UBE2W: variants seen among roughly 807,000 people sequenced by gnomAD.
UBE2W encodes ubiquitin-conjugating enzyme E2 W.
UBE2W carries 18 observed loss-of-function variants against 27.2 expected under a neutral mutation model. That is an observed-to-expected ratio of 0.66 (90% confidence interval 0.46 to 0.98). The LOEUF is 0.98. Among genes scored for constraint, UBE2W ranks in the 50% least tolerant of loss-of-function variants. The pLI is 0.00. For missense variants in UBE2W, 90 were observed against 180.2 expected, an observed-to-expected ratio of 0.50 and a Z score of 2.87; for synonymous variants, 53 against 57.2, an observed-to-expected ratio of 0.93 and a Z score of 0.33.
intron 1 of UBE2W, among the ~76,000 whole-genome samples, chr8:73,844,787 T>C (rs1810703320): frequency 6.6e-6 from 1 of 150,836 alleles, no homozygotes; most frequent in African/African-American, 2.4e-5. Context: ...AGAGAGCCTC[T>C]GCCTGGCCGC....
chr8:73,810,393 A>T lies in UBE2W; in HGVS notation c.366+81T>A, dbSNP rs575593144. ...AAAAGCATAAATCCTTCCTCCAAAT[A>T]AAAATAATTACATATTAAAATTATT... On this transcript the variant is annotated intron_variant, in intron 4 of 5. Transcript: ENST00000602593. 16 of 1,319,322 alleles carry T rather than the reference A, an allele frequency of 1.2e-5. No individual in the cohort carries two copies. In the East Asian group the frequency reaches 1.6e-4, roughly 13 times the overall value. 81.7% of individuals were successfully genotyped at this position (1,319,322 alleles called of 1,614,324 possible).
intron 1 of UBE2W, among the ~76,000 whole-genome samples, chr8:73,830,825 C>T (rs766872396): frequency 2.0e-5 from 3 of 152,204 alleles, no homozygotes; most frequent in Non-Finnish European, 4.4e-5. Flanking sequence ...TTCCAGTTAT[C>T]CTTGATAATA....
rs149518901 is a variant in UBE2W at position 73,816,240 on chromosome 8, T to A, written c.211-5611A>T. On this transcript the variant is annotated intron_variant, in intron 3 of 5. Coordinates refer to ENST00000602593, the MANE Select transcript of UBE2W (RefSeq NM_018299.6). ...CTTCCCTTTATACTCTATGTTCTTTTAGCCTACTAGTCTAATCCTCTATCT... is the reference window on the plus strand; with the variant it reads ...CTTCCCTTTATACTCTATGTTCTTTAAGCCTACTAGTCTAATCCTCTATCT... Among the ~76,000 whole-genome samples the A allele has an allele frequency of 1.5e-4, 23 of 152,352 alleles. No homozygotes were observed. The East Asian group carries it at 4.2e-3, about 28-fold the overall frequency.
In UBE2W at chr8:73,788,584, C is replaced by A. The variant is rs1808060995; in HGVS notation, c.*5518G>T. 6.1e-6 allele frequency: 6 copies of A among 985,260 alleles called. No individual in the cohort carries two copies. The South Asian group carries it at 1.4e-4, about 23-fold the overall frequency. 61.0% of individuals were successfully genotyped at this position (985,260 alleles called of 1,614,324 possible). A position where few individuals can be genotyped will look rare whatever the true frequency, so the allele number is the denominator to read the frequency against. On this transcript the variant is annotated 3_prime_UTR_variant, in exon 6 of 6. Transcript: ENST00000602593. ...GGTATCTGACACAATTTACCAAGTTCCTTATGGTAGATTTCAGGCTTTAAA... is the reference window on the plus strand; with the variant it reads ...GGTATCTGACACAATTTACCAAGTTACTTATGGTAGATTTCAGGCTTTAAA...
chr8:73,827,387 G>A (rs1032497300), intron 2 of UBE2W, among the ~76,000 whole-genome samples: 4 of 151,794 alleles, frequency 2.6e-5, no homozygotes, highest in African/African-American at 7.3e-5. Context: ...CTAATTTTTT[G>A]TATTTTTGTA....
chr8:73,837,160 C>T (rs1436678345), intron 1 of UBE2W, among the ~76,000 whole-genome samples: 1 of 152,140 alleles, frequency 6.6e-6, no homozygotes, highest in Non-Finnish European at 1.5e-5. Flanking sequence ...CAATGACACA[C>T]CTTCAATAAC....
At chr8:73,799,480 G>A (rs1808552081) in intron 5 of UBE2W, among the ~76,000 whole-genome samples, 1 of 152,138 alleles carries the variant, frequency 6.6e-6, no homozygotes, top group Non-Finnish European at 1.5e-5. Context: ...TAGCATGTCA[G>A]CAGAGTCCTC....
chr8:73,836,034 G>A (rs546009997), intron 1 of UBE2W, among the ~76,000 whole-genome samples: 7 of 152,232 alleles, frequency 4.6e-5, no homozygotes, highest in Middle Eastern at 6.8e-3. Context: ...CCTGACCCTC[G>A]GAACTGTGAA....
chr8:73,877,981 C>A (rs1411057703), intron 1 of UBE2W, among the ~76,000 whole-genome samples: 1 of 152,120 alleles, frequency 6.6e-6, no homozygotes, highest in Non-Finnish European at 1.5e-5. Context: ...AACTAAGGTT[C>A]CACTAAAGGT....
rs73322684 is a variant in UBE2W, at chr8:73,815,894, C to G, written c.211-5265G>C. Among the ~76,000 whole-genome samples, 7 of 152,224 alleles carry G rather than the reference C, an allele frequency of 4.6e-5. No homozygotes were observed. In the East Asian group the frequency reaches 9.6e-4, roughly 21 times the overall value. ...ATAAGATAGTATTTAATGCAGACAA[C>G]AGTACTTAATGTGTAACTACATAAA... On this transcript the variant is annotated intron_variant, in intron 3 of 5. Transcript: ENST00000602593.
chr8:73,856,825 C>T (rs569615714), intron 1 of UBE2W, among the ~76,000 whole-genome samples: 69 of 152,262 alleles, frequency 4.5e-4, no homozygotes, highest in African/African-American at 1.4e-3. Context: ...TGTGCCTCAG[C>T]CTCCCAAGTA....
At chr8:73,836,149 C>T (rs980569833) in intron 1 of UBE2W, among the ~76,000 whole-genome samples, 2 of 152,204 alleles carry the variant, frequency 1.3e-5, no homozygotes, top group Non-Finnish European at 2.9e-5. Flanking sequence ...AAGGGACTGT[C>T]ATCTACTTCC....
chr8:73,800,567 G>A (rs35659357), intron 5 of UBE2W, among the ~76,000 whole-genome samples: 19,963 of 152,082 alleles, frequency 0.13, 1,498 homozygotes, highest in African/African-American at 0.19. Context: ...AGCGGGGAGA[G>A]GTGAAAGAGG....
At chr8:73,849,704 T>C (rs897383270) in intron 1 of UBE2W, among the ~76,000 whole-genome samples, 3 of 151,846 alleles carry the variant, frequency 2.0e-5, no homozygotes, top group Non-Finnish European at 2.9e-5. Flanking sequence ...CATTAAAAAT[T>C]TGACTAACTT....
chr8:73,858,052 C>G (rs1379691894), intron 1 of UBE2W, among the ~76,000 whole-genome samples: 1 of 151,782 alleles, frequency 6.6e-6, no homozygotes, highest in Admixed American at 6.6e-5. Flanking sequence ...TAGTGAAACC[C>G]CATCTCTACT....
chr8:73,820,554 T>G (rs1189250142), intron 3 of UBE2W, among the ~76,000 whole-genome samples: 5 of 151,792 alleles, frequency 3.3e-5, no homozygotes, highest in Non-Finnish European at 5.9e-5. Context: ...TGGACCAACA[T>G]GGTGAAACCT....
chr8:73,855,620 G>C (rs184747648), intron 1 of UBE2W, among the ~76,000 whole-genome samples: 18 of 151,670 alleles, frequency 1.2e-4, no homozygotes, highest in African/African-American at 4.3e-4. Context: ...TGACCAGGCT[G>C]GTCTCAAACT....
At position 73,788,587 on chromosome 8, in the gene UBE2W, T is replaced by C. The variant is rs1808061083; in HGVS notation, c.*5515A>G. 17 of 985,324 alleles carry C rather than the reference T, an allele frequency of 1.7e-5. No homozygotes were observed. Among genetic ancestry groups the C allele is most frequent in the Admixed American group, 6.1e-5 (1 of 16,276 alleles). The allele number at this position is 985,324 out of a possible 1,614,324, so 61.0% of individuals were successfully genotyped here. On this transcript the variant is annotated 3_prime_UTR_variant, in exon 6 of 6. Transcript: ENST00000602593. The stretch of plus-strand genomic sequence containing the variant: ...ATCTGACACAATTTACCAAGTTCCT[T>C]ATGGTAGATTTCAGGCTTTAAATTG...
Position 73,839,322 on chromosome 8 carries a change from GAC to G in UBE2W, c.16-8852_16-8851del, listed in dbSNP as rs1810435514. 2.3e-5 allele frequency among the ~76,000 whole-genome samples: 3 copies of G among 128,436 alleles called. No homozygotes were observed. In the Admixed American group the frequency reaches 2.6e-4, roughly 11 times the overall value. The allele number at this position is 128,436 out of a possible 152,430, so 84.3% of individuals were successfully genotyped here. ...ATCCTGGTTATTTTGAATCATGGAAGACATTTTTTTAAAATGCTCCTAGTTAA... is the reference window on the plus strand; with the variant it reads ...ATCCTGGTTATTTTGAATCATGGAAGATTTTTTTAAAATGCTCCTAGTTAA... On this transcript the variant is annotated intron_variant, in intron 1 of 5. Coordinates refer to ENST00000602593, the MANE Select transcript of UBE2W (RefSeq NM_018299.6).
Sources: allele counts gnomAD v4.1 joint callset (sites outside exome capture counted in the v4.1 genomes callset), GRCh38; gene constraint gnomAD v4.1.1; transcripts MANE v1.5; gene names NCBI Gene and HGNC (gene_info 2026-07-23, HGNC 2026-07-21).